PTPRR: variants seen among roughly 807,000 people sequenced by gnomAD.
PTPRR encodes receptor-type tyrosine-protein phosphatase R.
PTPRR carries 38 observed loss-of-function variants against 77.2 expected under a neutral mutation model. That is an observed-to-expected ratio of 0.49 (90% CI 0.38 to 0.65). The LOEUF (loss-of-function observed/expected upper bound fraction) is 0.65, where lower values mean the gene tolerates loss of function less well. PTPRR is among the 30% of genes least tolerant of loss of function. The pLI is 0.00. For synonymous variants in PTPRR, 299 were observed against 283.1 expected, an observed-to-expected ratio of 1.06 and a Z score of -0.57; for missense variants, 744 against 799.2, an observed-to-expected ratio of 0.93 and a Z score of 0.83.
chr12:70,715,051 C>T (rs1343575230), intron 6 of PTPRR, among the ~76,000 whole-genome samples: 1 of 151,900 alleles, frequency 6.6e-6, no homozygotes, highest in African/African-American at 2.4e-5. Flanking sequence ...TAAGACATTA[C>T]GATATCAGGG....
At chr12:70,806,597 A>G (rs1278515211) in intron 2 of PTPRR, among the ~76,000 whole-genome samples, 6 of 152,154 alleles carry the variant, frequency 3.9e-5, no homozygotes, top group African/African-American at 1.4e-4. Flanking sequence ...CACAGCACAT[A>G]ACTTCCTTAT....
chr12:70,821,610 C>T (rs1473914924), intron 2 of PTPRR, among the ~76,000 whole-genome samples: 2 of 151,866 alleles, frequency 1.3e-5, no homozygotes, highest in African/African-American at 4.8e-5. Context: ...GCAGCTGGAG[C>T]TTACTCTGTG....
At chr12:70,840,814 G>A (rs2137059445) in intron 2 of PTPRR, among the ~76,000 whole-genome samples, 1 of 152,164 alleles carries the variant, frequency 6.6e-6, no homozygotes, top group Non-Finnish European at 1.5e-5. Context: ...GAATTGCAAG[G>A]AGGTAAGATA....
intron 12 of PTPRR, among the ~76,000 whole-genome samples, chr12:70,659,614 C>G (rs1886720064): frequency 6.6e-6 from 1 of 152,020 alleles, no homozygotes; most frequent in Non-Finnish European, 1.5e-5. Context: ...GGGGACAGTT[C>G]CAGCCCTAAC....
At chr12:70,785,882 T>C (rs1161678368) in intron 2 of PTPRR, among the ~76,000 whole-genome samples, 1 of 152,240 alleles carries the variant, frequency 6.6e-6, no homozygotes, top group East Asian at 1.9e-4. Flanking sequence ...ATTATATGTT[T>C]GAGTCAACAG....
chr12:70,903,295 T>C (rs1205036138), intron 1 of PTPRR, among the ~76,000 whole-genome samples: 2 of 151,840 alleles, frequency 1.3e-5, no homozygotes, highest in Non-Finnish European at 2.9e-5. Context: ...GTGATAAATA[T>C]GTTAATTGTC....
At chr12:70,882,698 A>G (rs1893170290) in intron 2 of PTPRR, among the ~76,000 whole-genome samples, 1 of 151,944 alleles carries the variant, frequency 6.6e-6, no homozygotes, top group Non-Finnish European at 1.5e-5. Context: ...GTTTAGGCTT[A>G]TATTACTTGT....
chr12:70,914,841 C>G lies in PTPRR; in HGVS notation c.58+5492G>C, dbSNP rs544142370. On this transcript the variant is annotated intron_variant, in intron 1 of 13. Transcript: ENST00000283228. ...CTGTCTCTAACAACAACAACAGCAA[C>G]AACAACAACAACAAAAACAAAAAGA... 2.6e-5 allele frequency among the ~76,000 whole-genome samples: 4 copies of G among 151,834 alleles called. No homozygotes were observed. The South Asian group carries it at 8.4e-4, about 32-fold the overall frequency.
At chr12:70,840,585 C>G (rs976024704) in intron 2 of PTPRR, among the ~76,000 whole-genome samples, 1 of 152,076 alleles carries the variant, frequency 6.6e-6, no homozygotes, top group African/African-American at 2.4e-5. Flanking sequence ...ATAGCTAGAT[C>G]GCTTTTTTAA....
At chr12:70,803,706 C>T (rs1170564798) in intron 2 of PTPRR, among the ~76,000 whole-genome samples, 1 of 152,168 alleles carries the variant, frequency 6.6e-6, no homozygotes, top group Admixed American at 6.5e-5. Context: ...AAGAGATTCT[C>T]TACCATTCTT....
At chr12:70,672,025 C>T in intron 10 of PTPRR, 2 of 1,318,190 alleles carry the variant, frequency 1.5e-6, no homozygotes, top group Non-Finnish European at 2.2e-6. Flanking sequence ...AGGCACCCCA[C>T]CTGGTGGGGC....
chr12:70,851,917 T>A (rs769201133), intron 2 of PTPRR, among the ~76,000 whole-genome samples: 10 of 152,198 alleles, frequency 6.6e-5, no homozygotes, highest in Non-Finnish European at 1.3e-4. Context: ...TTCAATTCTC[T>A]TTTTTACTTT....
At chr12:70,769,995 T>C (rs1432650720) in intron 2 of PTPRR, among the ~76,000 whole-genome samples, 3 of 152,222 alleles carry the variant, frequency 2.0e-5, no homozygotes, top group South Asian at 2.1e-4. Context: ...TTACACCTTA[T>C]ACAAAAATTA....
intron 10 of PTPRR, among the ~76,000 whole-genome samples, chr12:70,677,529 G>C (rs1452242401): frequency 6.6e-6 from 1 of 152,164 alleles, no homozygotes; most frequent in African/African-American, 2.4e-5. Flanking sequence ...CATTCAATAT[G>C]ATGTTTGTTG....
intron 2 of PTPRR, among the ~76,000 whole-genome samples, chr12:70,862,988 G>A (rs1277555363): frequency 6.6e-6 from 1 of 152,100 alleles, no homozygotes; most frequent in African/African-American, 2.4e-5. Flanking sequence ...AAGGAAGAAG[G>A]AAACTGGATG....
At chr12:70,674,903 TG>T (rs903479771) in intron 10 of PTPRR, among the ~76,000 whole-genome samples, 2 of 152,080 alleles carry the variant, frequency 1.3e-5, no homozygotes, top group Non-Finnish European at 2.9e-5. Context: ...TTCAGATATT[TG>T]GGGGGAGGTT....
intron 10 of PTPRR, among the ~76,000 whole-genome samples, chr12:70,680,658 T>C (rs1592666395): frequency 6.6e-6 from 1 of 152,164 alleles, no homozygotes; most frequent in South Asian, 2.1e-4. Context: ...CTGGTGAGCA[T>C]GCAGCAGCCA....
chr12:70,736,091 G>T (rs906084635), intron 6 of PTPRR, among the ~76,000 whole-genome samples: 1 of 152,072 alleles, frequency 6.6e-6, no homozygotes, highest in Non-Finnish European at 1.5e-5. Flanking sequence ...CCTCACTTTG[G>T]CTTCTTTGCT....
intron 6 of PTPRR, among the ~76,000 whole-genome samples, chr12:70,716,824 G>C (rs998542357): frequency 6.6e-6 from 1 of 152,120 alleles, no homozygotes; most frequent in Non-Finnish European, 1.5e-5. Flanking sequence ...CTCTAGCCTG[G>C]GGACAGAACA....
Sources: gnomAD v4.1 joint callset for allele counts (sites outside exome capture counted in the v4.1 genomes callset) on GRCh38, gnomAD v4.1.1 for gene constraint, MANE v1.5 for transcripts, NCBI Gene and HGNC (gene_info 2026-07-23, HGNC 2026-07-21) for gene names.